NFATC3: variants seen among roughly 807,000 people sequenced by gnomAD.
NFATC3 encodes nuclear factor of activated T-cells, cytoplasmic 3.
A neutral mutation model predicts 98.6 loss-of-function variants in NFATC3; 46 were observed. The observed-to-expected ratio is 0.47, with a 90% CI of 0.37 to 0.60. The LOEUF is 0.60. Among genes scored for constraint, NFATC3 ranks in the 20% least tolerant of loss-of-function variants. The pLI is 0.00. For missense variants in NFATC3, 1,256 were observed against 1,295.5 expected, an observed-to-expected ratio of 0.97 and a Z score of 0.47; for synonymous variants, 512 against 472.2, an observed-to-expected ratio of 1.08 and a Z score of -1.09.
intron 1 of NFATC3, among the ~76,000 whole-genome samples, chr16:68,094,494 T>C (rs1359727542): frequency 6.6e-6 from 1 of 152,182 alleles, no homozygotes; most frequent in African/African-American, 2.4e-5. Context: ...CTATAGCCAC[T>C]AGGACTGATA....
chr16:68,088,718 GAGAC>G, intron 1 of NFATC3: 1 of 152,360 alleles, frequency 6.6e-6, no homozygotes, highest in East Asian at 1.9e-4. Flanking sequence ...GTTTTTAGTA[GAGAC>G]AGAGTTTCAC....
intron 9 of NFATC3, among the ~76,000 whole-genome samples, chr16:68,207,955 A>G (rs914998191): frequency 3.9e-5 from 6 of 152,048 alleles, no homozygotes; most frequent in African/African-American, 1.4e-4. Context: ...GCATTTCCCT[A>G]TTGACTAATG....
chr16:68,102,387 A>G (rs1045779475), intron 1 of NFATC3, among the ~76,000 whole-genome samples: 5 of 150,712 alleles, frequency 3.3e-5, no homozygotes, highest in African/African-American at 4.9e-5. Context: ...AAAAAAAAAA[A>G]AAAAAAAAAA....
intron 2 of NFATC3, among the ~76,000 whole-genome samples, chr16:68,124,619 G>A (rs1780238819): frequency 6.6e-6 from 1 of 151,766 alleles, no homozygotes; most frequent in African/African-American, 2.4e-5. Context: ...ATTTTTAGTA[G>A]AGACGGGGTT....
chr16:68,221,142 T>C, intron 9 of NFATC3: 1 of 1,587,778 alleles, frequency 6.3e-7, no homozygotes, highest in Non-Finnish European at 8.6e-7. Context: ...TTTAACAACT[T>C]AAAAATTGTG....
At position 68,157,882 on chromosome 16, in the gene NFATC3, A is replaced by T. The variant is rs750727514; in HGVS notation, c.1415A>T (p.Asn472Ile). The change falls in exon 4 of 10, where the codon AAC (asparagine) becomes ATC (isoleucine). Residue 472 changes from asparagine (N) to isoleucine (I), a missense_variant. Around this residue, in one of 3 missense-constraint regions of NFATC3, gnomAD observed 156 missense variants for 212.4 expected, o/e 0.73. Coordinates refer to ENST00000346183, the MANE Select transcript of NFATC3 (RefSeq NM_173165.3). ...TTTCCTGATTAGCTCCTGGGCTATA[A>T]CGAAAAGCCAATAAATCTACAAATG... is the stretch of plus-strand genomic sequence containing the variant. The part of the protein sequence containing the change: ...GHPVVKLLGY[N>I]EKPINLQMFI... The T allele has an allele frequency of 1.9e-6, 3 of 1,613,092 alleles. No individual in the cohort carries two copies. The highest frequency in any genetic ancestry group is 2.5e-6 in the Non-Finnish European group (3 of 1,179,566).
intron 9 of NFATC3, among the ~76,000 whole-genome samples, chr16:68,193,065 T>TATTGAACG: frequency 6.6e-6 from 1 of 152,254 alleles, no homozygotes; most frequent in South Asian, 2.1e-4. Flanking sequence ...GTTGCATCTG[T>TATTGAACG]ATTGAACGTG....
At chr16:68,215,212 C>G (rs1197935571) in intron 9 of NFATC3, among the ~76,000 whole-genome samples, 1 of 152,164 alleles carries the variant, frequency 6.6e-6, no homozygotes, top group African/African-American at 2.4e-5. Context: ...GATGACCTAT[C>G]AGACAAGATA....
chr16:68,145,977 A>G (rs2038021278), intron 3 of NFATC3, among the ~76,000 whole-genome samples: 1 of 152,116 alleles, frequency 6.6e-6, no homozygotes, highest in Admixed American at 6.6e-5. Context: ...AACTAGGTGC[A>G]GGGTACATGG....
At chr16:68,130,664 TTC>T (rs1434737754) in intron 3 of NFATC3, among the ~76,000 whole-genome samples, 2 of 152,304 alleles carry the variant, frequency 1.3e-5, no homozygotes, top group East Asian at 3.9e-4. Context: ...AGAGTTCTAT[TTC>T]TCTGTTTTTA....
At chr16:68,174,329 C>G in intron 5 of NFATC3, 45 bp from the exon 6 acceptor site, 1 of 1,338,894 alleles carries the variant, frequency 7.5e-7, no homozygotes, top group Non-Finnish European at 9.7e-7. Context: ...AGATTTTTAA[C>G]TAATATTTTG....
intron 3 of NFATC3, among the ~76,000 whole-genome samples, chr16:68,155,208 T>C (rs1043539174): frequency 1.3e-5 from 2 of 152,094 alleles, no homozygotes; most frequent in African/African-American, 2.4e-5. Context: ...GGAATAAAAC[T>C]CACCTGTAAG....
chr16:68,190,734 A>G (rs760072388), intron 8 of NFATC3, 34 bp from the exon 9 acceptor site: 2 of 1,558,304 alleles, frequency 1.3e-6, no homozygotes, highest in Middle Eastern at 1.7e-4. Context: ...TATGTATTGT[A>G]TAATAATATT....
intron 9 of NFATC3, among the ~76,000 whole-genome samples, chr16:68,196,654 A>G (rs1045733351): frequency 6.6e-6 from 1 of 151,934 alleles, no homozygotes; most frequent in Non-Finnish European, 1.5e-5. Context: ...AGATCGCACC[A>G]CTGCGCTCCA....
In NFATC3 at chr16:68,174,374, C is replaced by T; in HGVS notation, c.1775C>T (p.Ser592Phe). The T allele has an allele frequency of 6.9e-7, 1 of 1,454,162 alleles. No individual in the cohort carries two copies. The highest frequency in any genetic ancestry group is 1.7e-5 in the South Asian group (1 of 59,140). The allele number at this position is 1,454,162 out of a possible 1,614,324, so 90.1% of individuals were successfully genotyped here. ...AACTCTTTAAAAAAATTTAAAACAG[C>T]CCAGCGGTCTGCTCAAGAACTTCCT... Reference protein sequence around the residue: ...LQIASIPVECSQRSAQELPHI... With the variant: ...LQIASIPVECFQRSAQELPHI... The change falls in exon 6 of 10, where the codon TCC becomes TTC. Residue 592 changes from serine (S) to phenylalanine (F), a missense_variant and splice_region_variant. By Grantham distance (155) the Ser-to-Phe change is radical. Around this residue, in one of 3 missense-constraint regions of NFATC3, gnomAD observed 636 missense variants for 617.3 expected, o/e 1.03. Transcript: ENST00000346183.
rs1218898991 is a variant in NFATC3, at chr16:68,085,714, G to C, written c.33G>C (p.Glu11Asp). MTTANCGAHD[E>D]LDFKLVFGED... ...CTGCAAACTGTGGCGCCCACGACGAGCTCGACTTCAAACTCGTCTTTGGCG... is the reference window on the plus strand; with the variant it reads ...CTGCAAACTGTGGCGCCCACGACGACCTCGACTTCAAACTCGTCTTTGGCG... Residue 11 changes from glutamate (E) to aspartate (D), a missense_variant, in exon 1 of 10, where the codon GAG (glutamate) becomes GAC (aspartate). Coordinates refer to ENST00000346183, the MANE Select transcript of NFATC3 (RefSeq NM_173165.3). 6.6e-7 allele frequency: 1 copy of C among 1,515,430 alleles called. No homozygotes were observed. The highest frequency in any genetic ancestry group is 1.2e-5 in the South Asian group (1 of 81,376). The allele number at this position is 1,515,430 out of a possible 1,614,324, so 93.9% of individuals were successfully genotyped here.
At chr16:68,098,068 T>A (rs899344046) in intron 1 of NFATC3, among the ~76,000 whole-genome samples, 1 of 152,234 alleles carries the variant, frequency 6.6e-6, no homozygotes, top group East Asian at 1.9e-4. Flanking sequence ...TAGTTGCCAT[T>A]ATGTATGTAT....
At chr16:68,176,082 A>G (rs1434525050) in intron 6 of NFATC3, among the ~76,000 whole-genome samples, 1 of 151,748 alleles carries the variant, frequency 6.6e-6, no homozygotes, top group East Asian at 1.9e-4. Flanking sequence ...TGTTCAAGCA[A>G]TTCTCCTGCC....
intron 6 of NFATC3, among the ~76,000 whole-genome samples, chr16:68,179,306 G>C (rs2039857135): frequency 6.6e-6 from 1 of 152,088 alleles, no homozygotes; most frequent in African/African-American, 2.4e-5. Context: ...TCAACTGTTT[G>C]CGTTTGCCTT....
Sources: allele counts gnomAD v4.1 joint callset (sites outside exome capture counted in the v4.1 genomes callset), GRCh38; gene constraint gnomAD v4.1.1; regional missense constraint gnomAD v4.1.1; transcripts MANE v1.5; gene names NCBI Gene and HGNC (gene_info 2026-07-23, HGNC 2026-07-21).